Variants in CDH4 observed in about 807,000 individuals in gnomAD.
The protein encoded by CDH4 is cadherin 4, also known as cadherin-4.
CDH4 carries 33 observed loss-of-function variants against 86.0 expected under a neutral mutation model. The ratio of observed to expected loss-of-function variants is 0.38; its 90% CI spans 0.29 to 0.51. The LOEUF (loss-of-function observed/expected upper bound fraction) is 0.51. CDH4 is among the 20% of genes least tolerant of loss of function. CDH4 has a pLI of 0.86. For synonymous variants in CDH4, 555 were observed against 549.4 expected, an observed-to-expected ratio of 1.01 and a Z score of -0.14; for missense variants, 1,114 against 1,307.4, an observed-to-expected ratio of 0.85 and a Z score of 2.28.
intron 2 of CDH4, among the ~76,000 whole-genome samples, chr20:61,282,594 T>C (rs144402586): frequency 4.7e-4 from 71 of 152,002 alleles, no homozygotes; most frequent in African/African-American, 1.6e-3. Flanking sequence ...TACTTGTACC[T>C]GCACACACAA....
chr20:61,310,686 G>A (rs2427066), intron 2 of CDH4, among the ~76,000 whole-genome samples: 21,789 of 152,176 alleles, frequency 0.14, 1,714 homozygotes, highest in East Asian at 0.38. Flanking sequence ...ACAGGAGGTC[G>A]TTTCCTCACT....
At chr20:61,799,930 A>G (rs1024383807) in intron 4 of CDH4, among the ~76,000 whole-genome samples, 7 of 151,984 alleles carry the variant, frequency 4.6e-5, no homozygotes, top group Admixed American at 2.6e-4. Context: ...CCCATCTCTC[A>G]TGCAACCTCC....
At chr20:61,439,233 C>CATTTCG (rs369339666) in intron 2 of CDH4, among the ~76,000 whole-genome samples, 8 of 152,078 alleles carry the variant, frequency 5.3e-5, no homozygotes, top group African/African-American at 1.4e-4. Flanking sequence ...TTGCGGTGTG[C>CATTTCG]GTTTTGGTTG....
chr20:61,415,944 C>T (rs1264301523), intron 2 of CDH4, among the ~76,000 whole-genome samples: 5 of 151,416 alleles, frequency 3.3e-5, no homozygotes, highest in South Asian at 2.1e-4. Context: ...AAATGATCCA[C>T]CTGCCTTGGC....
At chr20:61,523,236 CCTCAT>C (rs1237604605) in intron 2 of CDH4, among the ~76,000 whole-genome samples, 2 of 152,234 alleles carry the variant, frequency 1.3e-5, no homozygotes, top group Admixed American at 6.5e-5. Flanking sequence ...CATCAGGAGG[CCTCAT>C]CTCAGGCCAC....
intron 3 of CDH4, among the ~76,000 whole-genome samples, chr20:61,750,473 A>T (rs561597056): frequency 6.6e-6 from 1 of 152,252 alleles, no homozygotes; most frequent in African/African-American, 2.4e-5. Context: ...TAAAATCCTT[A>T]TCACAAAGAA....
At chr20:61,926,272 T>C (rs1386280185) in intron 11 of CDH4, among the ~76,000 whole-genome samples, 1 of 152,106 alleles carries the variant, frequency 6.6e-6, no homozygotes, top group Non-Finnish European at 1.5e-5. Flanking sequence ...TAGGAAACGG[T>C]GTGTGCAAAG....
At position 61,902,600 on chromosome 20, in the gene CDH4, G is replaced by A. The variant is rs930943490; in HGVS notation, c.1188+7553G>A. Among the ~76,000 whole-genome samples the A allele has an allele frequency of 5.9e-5, 9 of 152,212 alleles. No homozygotes were observed. The highest frequency in any genetic ancestry group is 2.0e-4 in the Admixed American group (3 of 15,288). ...GCCGGAAGGTCTCCGTGGCAACTCCGAAACTCCGCCATTGTAGGACAAAAA... is the reference window on the plus strand; with the variant it reads ...GCCGGAAGGTCTCCGTGGCAACTCCAAAACTCCGCCATTGTAGGACAAAAA... On this transcript the variant is annotated intron_variant, in intron 8 of 15. Coordinates refer to ENST00000614565, the MANE Select transcript of CDH4 (RefSeq NM_001794.5). The surrounding 1 kb of genome is among the most constrained non-coding windows in gnomAD (Gnocchi z 4.6).
rs1600897540 is a variant in CDH4, at chr20:61,708,371, C to T, written c.170-35192C>T. On this transcript the variant is annotated intron_variant, in intron 2 of 15. Coordinates refer to ENST00000614565, the MANE Select transcript of CDH4 (RefSeq NM_001794.5). This position sits in a 1 kb window ranked among gnomAD's most constrained non-coding sequence, Gnocchi z 4.5. ...CCTCCTAACTGGGTTGGGGCACCAC[C>T]CTCCACTCTCCACGTTGGCTGCCTC... Among the ~76,000 whole-genome samples, 1 of 152,122 alleles carries T rather than the reference C, an allele frequency of 6.6e-6. No individual in the cohort carries two copies. The highest frequency in any genetic ancestry group is 2.4e-5 in the African/African-American group (1 of 41,498).
At chr20:61,745,415 T>C (rs1007042688) in intron 3 of CDH4, among the ~76,000 whole-genome samples, 2 of 151,856 alleles carry the variant, frequency 1.3e-5, no homozygotes, top group African/African-American at 4.8e-5. Flanking sequence ...GAAGCGGAGG[T>C]GGTTTAGGTT....
At chr20:61,589,511 C>T (rs999080446) in intron 2 of CDH4, among the ~76,000 whole-genome samples, 1 of 152,112 alleles carries the variant, frequency 6.6e-6, no homozygotes, top group African/African-American at 2.4e-5. Context: ...TGTGCCTATC[C>T]TCACATAATT....
chr20:61,418,638 G>C (rs1568837123), intron 2 of CDH4, among the ~76,000 whole-genome samples: 1 of 152,202 alleles, frequency 6.6e-6, no homozygotes, highest in Admixed American at 6.5e-5. Context: ...GTGTGGAGGA[G>C]TTAGTGTCCT....
chr20:61,718,509 C>G (rs2087990734), intron 2 of CDH4: 1 of 321,044 alleles, frequency 3.1e-6, no homozygotes, highest in African/African-American at 2.1e-5. Context: ...ACAGTGCCGT[C>G]CCATATCCCA....
chr20:61,534,661 C>CTTTTTTTTTTTTTTTTTTTTTTTTT (rs2085981647), intron 2 of CDH4, among the ~76,000 whole-genome samples: 1 of 89,304 alleles, frequency 1.1e-5, no homozygotes, highest in African/African-American at 7.6e-5. Flanking sequence ...TTCTTTCTTT[C>CTTTTTTTTTTTTTTTTTTTTTTTTT]TTTCTTTTTT....
intron 1 of CDH4, among the ~76,000 whole-genome samples, chr20:61,253,130 G>A (rs2084074114): frequency 6.6e-6 from 1 of 151,546 alleles, no homozygotes; most frequent in South Asian, 2.1e-4. Flanking sequence ...CCGCGCTGCG[G>A]GTGGGCGGCG....
chr20:61,879,339 A>G lies in CDH4; in HGVS notation c.1050+5439A>G, dbSNP rs1403089312. ...CGGCCGGACAGCTCAGCCACTTCTG[A>G]AAAGGACACATCGGTAGTTCCTTTT... On this transcript the variant is annotated intron_variant, in intron 7 of 15. Transcript: ENST00000614565. This position sits in a 1 kb window ranked among gnomAD's most constrained non-coding sequence, Gnocchi z 4.1. Among the ~76,000 whole-genome samples the G allele has an allele frequency of 6.6e-6, 1 of 152,154 alleles. No individual in the cohort carries two copies. The highest frequency in any genetic ancestry group is 1.5e-5 in the Non-Finnish European group (1 of 68,044).
At chr20:61,712,854 G>C (rs2087908218) in intron 2 of CDH4, among the ~76,000 whole-genome samples, 1 of 152,224 alleles carries the variant, frequency 6.6e-6, no homozygotes, top group South Asian at 2.1e-4. Flanking sequence ...CAGCCCAGGA[G>C]AGTGAAAGCT....
intron 2 of CDH4, among the ~76,000 whole-genome samples, chr20:61,603,432 A>C (rs1015661468): frequency 5.3e-5 from 8 of 152,134 alleles, no homozygotes; most frequent in Non-Finnish European, 1.0e-4. Flanking sequence ...GACTCTAGGA[A>C]AACAAATGCA....
intron 3 of CDH4, among the ~76,000 whole-genome samples, chr20:61,767,520 G>A (rs1298024848): frequency 6.6e-6 from 1 of 152,190 alleles, no homozygotes; most frequent in African/African-American, 2.4e-5. Flanking sequence ...GCAGAGAGAG[G>A]GGCAGGAGCA....
Sources: gnomAD v4.1 joint callset for allele counts (sites outside exome capture counted in the v4.1 genomes callset) on GRCh38, gnomAD v4.1.1 for gene constraint, Gnocchi (gnomAD v3.1) non-coding constraint, MANE v1.5 for transcripts, NCBI Gene and HGNC (gene_info 2026-07-23, HGNC 2026-07-21) for gene names.